UBE2E1: variants seen among roughly 807,000 people sequenced by gnomAD.
UBE2E1 encodes ubiquitin-conjugating enzyme E2 E1.
A neutral mutation model predicts 21.4 loss-of-function variants in UBE2E1; 6 were observed. That is an observed-to-expected ratio of 0.28 (90% CI 0.15 to 0.55). UBE2E1 has a LOEUF of 0.55. Ranked by LOEUF, UBE2E1 falls within the 20% of genes least tolerant of loss-of-function variation. The pLI, the probability that UBE2E1 is intolerant of heterozygous loss-of-function variation, is 0.93. For synonymous variants in UBE2E1, 87 were observed against 82.7 expected, an observed-to-expected ratio of 1.05 and a Z score of -0.28; for missense variants, 142 against 236.5, an observed-to-expected ratio of 0.60 and a Z score of 2.62.
At position 23,810,669 on chromosome 3, in the gene UBE2E1, C is replaced by A. The variant is rs984550220; in HGVS notation, c.153-791C>A. ...GGGGTGTTCGCGCCCTGCTTTCGCGCGCGGTCTCGGGCCAAGGTTCTGGGC... is the reference window on the plus strand; with the variant it reads ...GGGGTGTTCGCGCCCTGCTTTCGCGAGCGGTCTCGGGCCAAGGTTCTGGGC... On this transcript the variant is annotated intron_variant, in intron 2 of 5. Transcript: ENST00000306627. This position sits in a 1 kb window ranked among gnomAD's most constrained non-coding sequence, Gnocchi z 5.8. 1.3e-6 allele frequency: 1 copy of A among 789,678 alleles called. No homozygotes were observed. Among genetic ancestry groups the A allele is most frequent in the Non-Finnish European group, 1.9e-6 (1 of 530,760 alleles). 48.9% of individuals were successfully genotyped at this position (789,678 alleles called of 1,614,324 possible).
At chr3:23,837,566 A>G (rs1024557807) in intron 3 of UBE2E1, among the ~76,000 whole-genome samples, 3 of 152,206 alleles carry the variant, frequency 2.0e-5, no homozygotes, top group Admixed American at 6.5e-5. Flanking sequence ...TTTTATTTTT[A>G]GCCATTGGCT....
rs557900683 is a variant in UBE2E1 at position 23,863,337 on chromosome 3, C to A, written c.204-24230C>A. ...TGTGAGCATTATTCACATGTGGTTA[C>A]TTTTCCTTCCTTGCTTGACTACCTC... On this transcript the variant is annotated intron_variant, in intron 3 of 5. Transcript: ENST00000306627. The surrounding 1 kb of genome is among the most constrained non-coding windows in gnomAD (Gnocchi z 4.3). 6.6e-6 allele frequency among the ~76,000 whole-genome samples: 1 copy of A among 152,004 alleles called. No homozygotes were observed.
Position 23,863,757 on chromosome 3 carries a change from C to G in UBE2E1, c.204-23810C>G, listed in dbSNP as rs985999873. 6.6e-6 allele frequency among the ~76,000 whole-genome samples: 1 copy of G among 151,986 alleles called. No homozygotes were observed. Among genetic ancestry groups the G allele is most frequent in the African/African-American group, 2.4e-5 (1 of 41,384 alleles). On this transcript the variant is annotated intron_variant, in intron 3 of 5. Transcript: ENST00000306627. This position sits in a 1 kb window ranked among gnomAD's most constrained non-coding sequence, Gnocchi z 4.3. Reference sequence around the variant, plus strand: ...GTTGGTCAGGCTGGTCTCAAACTCCCGATCTCAGGTCATCCACCCACCTCA... The same window carrying G: ...GTTGGTCAGGCTGGTCTCAAACTCCGGATCTCAGGTCATCCACCCACCTCA...
chr3:23,843,284 G>T (rs992094492), intron 3 of UBE2E1, among the ~76,000 whole-genome samples: 1 of 152,124 alleles, frequency 6.6e-6, no homozygotes, highest in African/African-American at 2.4e-5. Context: ...AGGACATACA[G>T]TTCCTAACAT....
intron 3 of UBE2E1, among the ~76,000 whole-genome samples, chr3:23,861,282 G>C (rs1291638814): frequency 6.6e-6 from 1 of 152,114 alleles, no homozygotes; most frequent in Non-Finnish European, 1.5e-5. Context: ...TCTTTAATTA[G>C]GCTCTCTGCT....
intron 3 of UBE2E1, among the ~76,000 whole-genome samples, chr3:23,855,012 T>A (rs1007006315): frequency 5.3e-5 from 8 of 152,378 alleles, no homozygotes; most frequent in East Asian, 1.9e-4. Context: ...GCCGTAATTA[T>A]TTTGTGAGAG....
chr3:23,885,647 G>A (rs1365416629), intron 3 of UBE2E1, among the ~76,000 whole-genome samples: 1 of 152,098 alleles, frequency 6.6e-6, no homozygotes, highest in African/African-American at 2.4e-5. Flanking sequence ...GATCACCTGA[G>A]GTCGGGAGTT....
At chr3:23,813,215 A>C (rs1699441170) in intron 3 of UBE2E1, among the ~76,000 whole-genome samples, 1 of 152,220 alleles carries the variant, frequency 6.6e-6, no homozygotes, top group African/African-American at 2.4e-5. Context: ...AAAGCTCAAA[A>C]TACTAAATTT....
At position 23,890,700 on chromosome 3, in the gene UBE2E1, A is replaced by G; in HGVS notation, c.*94A>G. ...TCAGGGAGGGTGGGAGTTGGTAAAGAGTAGGGTATTTCTATAACAGATATT... is the reference window on the plus strand; with the variant it reads ...TCAGGGAGGGTGGGAGTTGGTAAAGGGTAGGGTATTTCTATAACAGATATT... On this transcript the variant is annotated 3_prime_UTR_variant, in exon 6 of 6. Transcript: ENST00000306627. The G allele has an allele frequency of 9.0e-7, 1 of 1,106,380 alleles. No homozygotes were observed. The highest frequency in any genetic ancestry group is 1.3e-6 in the Non-Finnish European group (1 of 781,456). The allele number at this position is 1,106,380 out of a possible 1,614,324, so 68.5% of individuals were successfully genotyped here.
At position 23,823,513 on chromosome 3, in the gene UBE2E1, T is replaced by A. The variant is rs533946481; in HGVS notation, c.203+12003T>A. 7.9e-5 allele frequency among the ~76,000 whole-genome samples: 12 copies of A among 152,226 alleles called. No homozygotes were observed. The highest frequency in any genetic ancestry group is 1.8e-4 in the Non-Finnish European group (12 of 68,034). ...ATTGTTCCTACTACCACTTACAACC[T>A]TTCCTCCTCTATGGGGGTACATCTC... On this transcript the variant is annotated intron_variant, in intron 3 of 5. Transcript: ENST00000306627. This position sits in a 1 kb window ranked among gnomAD's most constrained non-coding sequence, Gnocchi z 4.2.
At chr3:23,812,545 C>T (rs556709646) in intron 3 of UBE2E1, among the ~76,000 whole-genome samples, 2 of 152,348 alleles carry the variant, frequency 1.3e-5, no homozygotes, top group South Asian at 4.1e-4. Flanking sequence ...GTTTTGGTTA[C>T]ATTCATTCTT....
At chr3:23,813,984 T>C (rs1400339463) in intron 3 of UBE2E1, among the ~76,000 whole-genome samples, 1 of 152,236 alleles carries the variant, frequency 6.6e-6, no homozygotes, top group Non-Finnish European at 1.5e-5. Context: ...TAGTCTGTCT[T>C]ATATTTTTAC....
intron 3 of UBE2E1, among the ~76,000 whole-genome samples, chr3:23,867,656 G>A (rs1700686886): frequency 6.6e-6 from 1 of 152,142 alleles, no homozygotes; most frequent in Non-Finnish European, 1.5e-5. Context: ...TGCTGTTGGA[G>A]TACACTTGAG....
At chr3:23,812,684 T>C (rs1452976838) in intron 3 of UBE2E1, among the ~76,000 whole-genome samples, 1 of 152,228 alleles carries the variant, frequency 6.6e-6, no homozygotes, top group Non-Finnish European at 1.5e-5. Flanking sequence ...TGGGGAATTC[T>C]TTCCTGGCTA....
At chr3:23,840,008 T>C (rs1700052498) in intron 3 of UBE2E1, among the ~76,000 whole-genome samples, 1 of 152,182 alleles carries the variant, frequency 6.6e-6, no homozygotes, top group Non-Finnish European at 1.5e-5. Flanking sequence ...AAGTTTGTTT[T>C]CTGTGTTTCA....
chr3:23,809,233 C>G (rs1316959754), intron 2 of UBE2E1, among the ~76,000 whole-genome samples: 2 of 152,078 alleles, frequency 1.3e-5, no homozygotes, highest in African/African-American at 4.8e-5. Context: ...AGTGTTAAAG[C>G]AGACCTAAAG....
At chr3:23,877,759 C>G (rs1425612341) in intron 3 of UBE2E1, among the ~76,000 whole-genome samples, 1 of 152,172 alleles carries the variant, frequency 6.6e-6, no homozygotes, top group East Asian at 1.9e-4. Context: ...CATGCAGTAG[C>G]TAATAAGCAG....
intron 3 of UBE2E1, among the ~76,000 whole-genome samples, chr3:23,877,370 T>C (rs1194724207): frequency 6.6e-6 from 1 of 152,216 alleles, no homozygotes; most frequent in Non-Finnish European, 1.5e-5. Context: ...ATTGAAGCTC[T>C]TCCCTTTACT....
intron 3 of UBE2E1, among the ~76,000 whole-genome samples, chr3:23,865,355 T>C (rs1700634000): frequency 6.6e-6 from 1 of 152,150 alleles, no homozygotes; most frequent in East Asian, 1.9e-4. Flanking sequence ...AGTTAAGACT[T>C]AGTCCTTTTT....
Sources: gnomAD v4.1 joint callset for allele counts (sites outside exome capture counted in the v4.1 genomes callset) on GRCh38, gnomAD v4.1.1 for gene constraint, Gnocchi (gnomAD v3.1) non-coding constraint, MANE v1.5 for transcripts, NCBI Gene and HGNC (gene_info 2026-07-23, HGNC 2026-07-21) for gene names.